The following AGBL1 variants were observed in gnomAD, a reference collection of about 807,000 sequenced individuals.
AGBL1 encodes cytosolic carboxypeptidase 4.
A neutral mutation model predicts 118.9 loss-of-function variants in AGBL1; 130 were observed. That is an observed-to-expected ratio of 1.09 (90% CI 0.95 to 1.26). AGBL1 has a LOEUF of 1.26. AGBL1 is among the 50% of genes most tolerant of loss of function. The pLI is 0.00. For synonymous variants in AGBL1, 555 were observed against 478.9 expected (o/e 1.16, Z -2.08); for missense variants, 1,584 against 1,298.1 (o/e 1.22, Z -3.38).
chr15:86,104,338 G>A (rs1191912655), intron 1 of AGBL1, among the ~76,000 whole-genome samples: 2 of 152,248 alleles, frequency 1.3e-5, no homozygotes, highest in Non-Finnish European at 2.9e-5. Context: ...CCTGCTGTTG[G>A]GTGGGTTGCT....
chr15:86,536,123 G>A (rs1197177828), intron 19 of AGBL1, among the ~76,000 whole-genome samples: 2 of 152,106 alleles, frequency 1.3e-5, no homozygotes, highest in Admixed American at 1.3e-4. Flanking sequence ...GTTAAACAAG[G>A]CTTCTTTACC....
chr15:86,991,440 A>ATATT (rs543981363), intron 24 of AGBL1, among the ~76,000 whole-genome samples: 3,618 of 151,558 alleles, frequency 0.024, 62 homozygotes, highest in African/African-American at 0.049. Context: ...TTTCAGATTT[A>ATATT]TATTTATTTA....
At chr15:86,189,918 T>C (rs143273312) in intron 5 of AGBL1, among the ~76,000 whole-genome samples, 2 of 152,334 alleles carry the variant, frequency 1.3e-5, no homozygotes, top group Admixed American at 6.5e-5. Flanking sequence ...CCATGTAACA[T>C]AGGCTCAATG....
At chr15:86,439,472 T>C (rs1318443087) in intron 18 of AGBL1, among the ~76,000 whole-genome samples, 1 of 152,218 alleles carries the variant, frequency 6.6e-6, no homozygotes, top group Non-Finnish European at 1.5e-5. Context: ...ACTATAAATT[T>C]GAAGACAGTA....
At chr15:86,593,296 A>AT (rs35818219) in intron 21 of AGBL1, among the ~76,000 whole-genome samples, 99,390 of 145,740 alleles carry the variant, frequency 0.68, 33,727 homozygotes, top group East Asian at 0.77. Context: ...GGAACCTTAG[A>AT]TTTTTTTTTT....
intron 22 of AGBL1, among the ~76,000 whole-genome samples, chr15:86,797,778 A>C (rs1430085849): frequency 6.6e-6 from 1 of 152,176 alleles, no homozygotes; most frequent in Non-Finnish European, 1.5e-5. Flanking sequence ...CAAAATGGAA[A>C]GGGAAGGACT....
chr15:86,791,279 A>G (rs1474136014), intron 22 of AGBL1, among the ~76,000 whole-genome samples: 1 of 152,178 alleles, frequency 6.6e-6, no homozygotes, highest in Non-Finnish European at 1.5e-5. Context: ...CCAAATGTAG[A>G]TAGTATTATA....
chr15:86,432,381 T>A (rs760508805), intron 18 of AGBL1, among the ~76,000 whole-genome samples: 2 of 152,176 alleles, frequency 1.3e-5, no homozygotes, highest in Non-Finnish European at 2.9e-5. Context: ...ATGACTTCGA[T>A]AGTTTTGAGG....
At chr15:86,976,353 T>A (rs2081176793) in intron 23 of AGBL1, among the ~76,000 whole-genome samples, 1 of 151,722 alleles carries the variant, frequency 6.6e-6, no homozygotes, top group Non-Finnish European at 1.5e-5. Flanking sequence ...CATAAAAAAA[T>A]TTTCAAGTCA....
chr15:86,455,044 T>C (rs1020852847), intron 18 of AGBL1, among the ~76,000 whole-genome samples: 4 of 152,166 alleles, frequency 2.6e-5, no homozygotes, highest in Non-Finnish European at 4.4e-5. Flanking sequence ...AGGAGAATTT[T>C]AGGAAATTTC....
At chr15:86,985,845 G>A (rs2081276284) in intron 23 of AGBL1, among the ~76,000 whole-genome samples, 1 of 151,796 alleles carries the variant, frequency 6.6e-6, no homozygotes. Context: ...TTTACATTTA[G>A]TCCCATGTTC....
intron 23 of AGBL1, among the ~76,000 whole-genome samples, chr15:86,944,501 G>A (rs1307190823): frequency 2.6e-5 from 4 of 152,164 alleles, no homozygotes; most frequent in African/African-American, 9.7e-5. Flanking sequence ...TTCAAAGTCA[G>A]TCCTGATGAT....
At chr15:86,289,112 A>AT (rs765835898) in intron 16 of AGBL1, among the ~76,000 whole-genome samples, 9 of 151,510 alleles carry the variant, frequency 5.9e-5, no homozygotes, top group East Asian at 1.9e-4. Context: ...TCTCATACAC[A>AT]TTTTTTTTCC....
At chr15:86,763,260 CA>C (rs1202455752) in intron 22 of AGBL1, among the ~76,000 whole-genome samples, 4 of 151,960 alleles carry the variant, frequency 2.6e-5, no homozygotes, top group African/African-American at 9.7e-5. Context: ...CTCATGTAGG[CA>C]ATCTCTCAAA....
chr15:87,014,057 T>G (rs767969280), intron 24 of AGBL1, among the ~76,000 whole-genome samples: 3 of 152,330 alleles, frequency 2.0e-5, no homozygotes, highest in South Asian at 4.1e-4. Context: ...TAATCAATAA[T>G]AATAAATGAT....
intron 18 of AGBL1, among the ~76,000 whole-genome samples, chr15:86,412,562 A>G (rs970044051): frequency 6.6e-6 from 1 of 152,184 alleles, no homozygotes; most frequent in Non-Finnish European, 1.5e-5. Context: ...GTGTGGAAGG[A>G]TGAGGTGCAG....
chr15:86,686,003 C>T lies in AGBL1; in HGVS notation c.3158+11567C>T, dbSNP rs1377473264. On this transcript the variant is annotated intron_variant, in intron 22 of 22. Transcript: ENST00000614907. ...GTAAGTCCCAATGATCTAAACTTTT[C>T]ACCCACTAGATGTTCCAGGTCAGGA... is the stretch of plus-strand genomic sequence containing the variant. 2.6e-5 allele frequency among the ~76,000 whole-genome samples: 4 copies of T among 152,134 alleles called. No individual in the cohort carries two copies. The East Asian group carries it at 7.7e-4, about 29-fold the overall frequency.
chr15:86,242,823 A>T (rs1467776088), intron 6 of AGBL1, among the ~76,000 whole-genome samples: 4 of 152,200 alleles, frequency 2.6e-5, no homozygotes, highest in Non-Finnish European at 4.4e-5. Context: ...GCTTGCAGGT[A>T]AAATTATTCA....
chr15:86,694,441 A>G (rs1490866568), intron 22 of AGBL1, among the ~76,000 whole-genome samples: 2 of 152,050 alleles, frequency 1.3e-5, no homozygotes, highest in African/African-American at 2.4e-5. Flanking sequence ...GTGTACATTA[A>G]TTTTGTATCC....
Sources: gnomAD v4.1 joint callset for allele counts (sites outside exome capture counted in the v4.1 genomes callset) on GRCh38, gnomAD v4.1.1 for gene constraint, MANE v1.5 for transcripts, NCBI Gene and HGNC (gene_info 2026-07-23, HGNC 2026-07-21) for gene names.